The following MATN2 variants were observed in gnomAD, a reference collection of about 807,000 sequenced individuals.
MATN2 encodes the protein matrilin-2.
In MATN2, 69 loss-of-function variants were observed where a neutral mutation model predicts 103.2. The observed-to-expected ratio is 0.67, with a 90% CI of 0.55 to 0.82. The LOEUF (loss-of-function observed/expected upper bound fraction) is 0.82. Among genes scored for constraint, MATN2 ranks in the 40% least tolerant of loss-of-function variants. The probability of loss-of-function intolerance (pLI) is 0.00; values close to 1 mark genes in which losing one functional copy is unlikely to be tolerated. For synonymous variants in MATN2, 429 were observed against 450.2 expected, an observed-to-expected ratio of 0.95 and a Z score of 0.60; for missense variants, 1,023 against 1,211.5, an observed-to-expected ratio of 0.84 and a Z score of 2.31.
intron 4 of MATN2, among the ~76,000 whole-genome samples, chr8:97,956,814 T>C (rs1371246630): frequency 6.6e-6 from 1 of 152,136 alleles, no homozygotes; most frequent in Non-Finnish European, 1.5e-5. Flanking sequence ...TTGGAGAGAA[T>C]TTTGTTCCCA....
chr8:97,937,806 T>G (rs1307045823), intron 3 of MATN2, among the ~76,000 whole-genome samples: 1 of 152,026 alleles, frequency 6.6e-6, no homozygotes, highest in East Asian at 1.9e-4. Flanking sequence ...TTCAAACTCC[T>G]GGACTCAAGT....
chr8:97,960,355 G>C (rs1563692443), intron 4 of MATN2, among the ~76,000 whole-genome samples: 1 of 152,132 alleles, frequency 6.6e-6, no homozygotes, highest in African/African-American at 2.4e-5. Flanking sequence ...CAATGGTACA[G>C]CTAGCTGTTT....
intron 6 of MATN2, among the ~76,000 whole-genome samples, chr8:97,993,673 A>C (rs569363302): frequency 6.6e-6 from 1 of 152,336 alleles, no homozygotes; most frequent in African/African-American, 2.4e-5. Context: ...CCAATGAGGT[A>C]ACCAGGAGGT....
chr8:97,983,521 T>G, intron 6 of MATN2, among the ~76,000 whole-genome samples: 1 of 152,214 alleles, frequency 6.6e-6, no homozygotes. Flanking sequence ...TATAGAGGAC[T>G]TCAGTCTGCT....
Position 98,033,579 on chromosome 8 carries a change from A to C in MATN2, c.2735A>C (p.Lys912Thr). 6.3e-7 allele frequency: 1 copy of C among 1,595,928 alleles called. No homozygotes were observed. The highest frequency in any genetic ancestry group is 1.2e-5 in the South Asian group (1 of 86,706). Reference sequence around the variant, plus strand: ...TTCTCAGGAAGCCCTTTGGAAGAAAAACACGATCAATGCAAATGTGAAAAC... The same window carrying C: ...TTCTCAGGAAGCCCTTTGGAAGAAACACACGATCAATGCAAATGTGAAAAC... ...TKPSGSPLEE[K>T]HDQCKCENLI... The change falls in exon 18 of 19, where the codon AAA becomes ACA. Residue 912 changes from lysine to threonine, a missense_variant. By Grantham distance (78) the Lys-to-Thr change is moderately conservative. Transcript: ENST00000254898.
chr8:98,016,689 A>G (rs1813373577), intron 11 of MATN2, 27 bp downstream of exon 11: 1 of 1,604,510 alleles, frequency 6.2e-7, no homozygotes, highest in Non-Finnish European at 8.5e-7. Context: ...GCTGGCTCCT[A>G]CTACTATGCC....
intron 5 of MATN2, among the ~76,000 whole-genome samples, chr8:97,967,682 C>T (rs962868317): frequency 4.6e-5 from 7 of 152,222 alleles, no homozygotes; most frequent in South Asian, 4.1e-4. Context: ...TGGTTGGCTC[C>T]GCCCCTGTGG....
intron 5 of MATN2, among the ~76,000 whole-genome samples, chr8:97,968,163 G>A (rs970297291): frequency 9.9e-5 from 15 of 152,240 alleles, no homozygotes; most frequent in African/African-American, 3.1e-4. Context: ...AGTGTGCTGA[G>A]GCTACACAGG....
intron 4 of MATN2, among the ~76,000 whole-genome samples, chr8:97,955,915 T>C (rs1811129496): frequency 1.3e-5 from 2 of 152,218 alleles, no homozygotes; most frequent in Admixed American, 6.5e-5. Context: ...ACAGCTTTTC[T>C]GGTGTCCATA....
Position 98,035,780 on chromosome 8 carries a change from C to T in MATN2, c.*68C>T. The T allele has an allele frequency of 2.1e-6, 2 of 952,022 alleles. No individual in the cohort carries two copies. The highest frequency in any genetic ancestry group is 3.3e-5 in the African/African-American group (2 of 60,722). The allele number at this position is 952,022 out of a possible 1,614,324, so 59.0% of individuals were successfully genotyped here. On this transcript the variant is annotated 3_prime_UTR_variant, in exon 19 of 19. Transcript: ENST00000254898. ...TTACAATGAACGCAGTGCAGAGCCCCAAAGCTCAGGCTATTGTTAAATCAA... is the reference window on the plus strand; with the variant it reads ...TTACAATGAACGCAGTGCAGAGCCCTAAAGCTCAGGCTATTGTTAAATCAA...
At chr8:97,948,151 A>G (rs1321282601) in intron 4 of MATN2, among the ~76,000 whole-genome samples, 1 of 152,230 alleles carries the variant, frequency 6.6e-6, no homozygotes, top group African/African-American at 2.4e-5. Flanking sequence ...GGCACTGCAT[A>G]GACCACAGAA....
At chr8:97,873,408 G>A (rs1817964390) in intron 1 of MATN2, among the ~76,000 whole-genome samples, 1 of 151,134 alleles carries the variant, frequency 6.6e-6, no homozygotes, top group Non-Finnish European at 1.5e-5. Context: ...GAGTGCAGTG[G>A]CACAATCTCT....
At chr8:97,947,638 C>A (rs148424098) in intron 4 of MATN2, among the ~76,000 whole-genome samples, 18 of 152,170 alleles carry the variant, frequency 1.2e-4, no homozygotes, top group Middle Eastern at 3.4e-3. Flanking sequence ...GAGAGATATA[C>A]CCTATCATGG....
At chr8:97,988,831 A>G (rs1181375829) in intron 6 of MATN2, among the ~76,000 whole-genome samples, 2 of 152,200 alleles carry the variant, frequency 1.3e-5, no homozygotes, top group Non-Finnish European at 1.5e-5. Flanking sequence ...ACAATTTTCA[A>G]CTCATCCTAT....
chr8:97,898,558 C>T (rs1818888938), intron 2 of MATN2, among the ~76,000 whole-genome samples: 1 of 149,226 alleles, frequency 6.7e-6, no homozygotes, highest in African/African-American at 2.5e-5. Flanking sequence ...GATCACACCA[C>T]TACACTCCAG....
chr8:98,027,538 C>T lies in MATN2; in HGVS notation c.2065C>T (p.Pro689Ser), dbSNP rs921379949. ...TGIIDSLTIS[P>S]KAARVGLLQY... ...AATTATAGATTCCTTGACAATTTCC[C>T]CCAAAGCCGCTCGAGTGGGGCTGCT... The change falls in exon 14 of 19, where the codon CCC (proline) becomes TCC (serine). Residue 689 changes from proline to serine, a missense_variant. Pro to Ser is a moderately conservative substitution (Grantham distance 74). Coordinates refer to ENST00000254898, the MANE Select transcript of MATN2 (RefSeq NM_002380.5). 5.0e-6 allele frequency: 8 copies of T among 1,613,892 alleles called. No homozygotes were observed. Among genetic ancestry groups the T allele is most frequent in the Non-Finnish European group, 6.8e-6 (8 of 1,179,896 alleles).
intron 6 of MATN2, among the ~76,000 whole-genome samples, chr8:97,986,486 G>C (rs1220886713): frequency 4.6e-5 from 7 of 151,846 alleles, no homozygotes; most frequent in Admixed American, 4.6e-4. Context: ...TTATGCCTTT[G>C]CATCCTCATA....
intron 2 of MATN2, among the ~76,000 whole-genome samples, chr8:97,928,426 C>T (rs1412162109): frequency 6.6e-6 from 1 of 152,092 alleles, no homozygotes; most frequent in Non-Finnish European, 1.5e-5. Flanking sequence ...TGGCGCTTCA[C>T]CATGTTAGCC....
intron 2 of MATN2, among the ~76,000 whole-genome samples, chr8:97,905,731 G>A (rs1031854263): frequency 3.9e-5 from 6 of 152,052 alleles, no homozygotes; most frequent in East Asian, 3.9e-4. Context: ...GGCGTGATCC[G>A]GGCTCACTGC....
Sources: gnomAD v4.1 joint callset for allele counts (sites outside exome capture counted in the v4.1 genomes callset) on GRCh38, gnomAD v4.1.1 for gene constraint, MANE v1.5 for transcripts, NCBI Gene and HGNC (gene_info 2026-07-23, HGNC 2026-07-21) for gene names.